The following TENM4 variants were observed in gnomAD, a reference collection of about 807,000 sequenced individuals.
TENM4 encodes the protein teneurin transmembrane protein 4.
TENM4 carries 82 observed loss-of-function variants against 243.3 expected under a neutral mutation model. That is an observed-to-expected ratio of 0.34 (90% CI 0.28 to 0.40). The LOEUF is 0.40. TENM4 is among the 10% of genes least tolerant of loss of function. The probability of loss-of-function intolerance (pLI) is 1.00; values close to 1 mark genes in which losing one functional copy is unlikely to be tolerated. For synonymous variants in TENM4, 1,412 were observed against 1,456.3 expected, an observed-to-expected ratio of 0.97 and a Z score of 0.69; for missense variants, 3,138 against 3,673.3, an observed-to-expected ratio of 0.85 and a Z score of 3.77.
At chr11:78,878,619 A>G (rs1401987649) in intron 9 of TENM4, among the ~76,000 whole-genome samples, 1 of 152,154 alleles carries the variant, frequency 6.6e-6, no homozygotes. Context: ...ACCTCCCACC[A>G]ATTAAACTGG....
chr11:78,963,752 G>T (rs1249383626), intron 6 of TENM4, among the ~76,000 whole-genome samples: 4 of 134,612 alleles, frequency 3.0e-5, no homozygotes, highest in Non-Finnish European at 6.3e-5. Context: ...TTTTTTTTGA[G>T]ACAGAGTCTC....
intron 1 of TENM4, among the ~76,000 whole-genome samples, chr11:79,381,015 C>A (rs1424111062): frequency 6.6e-6 from 1 of 152,072 alleles, no homozygotes; most frequent in East Asian, 1.9e-4. Flanking sequence ...ACACTAAGGC[C>A]CCAAATGCAG....
intron 2 of TENM4, among the ~76,000 whole-genome samples, chr11:79,284,187 T>C (rs573799085): frequency 5.3e-5 from 8 of 152,332 alleles, no homozygotes; most frequent in Non-Finnish European, 1.2e-4. Flanking sequence ...GATTCTCTTT[T>C]GTAGAAATTT....
chr11:78,728,073 C>T lies in TENM4; in HGVS notation c.3406+1303G>A, dbSNP rs187084848. Among the ~76,000 whole-genome samples the T allele has an allele frequency of 5.3e-5, 8 of 152,258 alleles. No individual in the cohort carries two copies. In the East Asian group the frequency reaches 1.2e-3, roughly 22 times the overall value. ...GTCACTTCCCTTTTTAACTGACTGG[C>T]GGGCACTAGAAGTGCTCATTTTTTC... On this transcript the variant is annotated intron_variant, in intron 22 of 33. Coordinates refer to ENST00000278550, the MANE Select transcript of TENM4 (RefSeq NM_001098816.3).
At chr11:79,091,989 C>T (rs572531785) in intron 4 of TENM4, among the ~76,000 whole-genome samples, 10 of 152,296 alleles carry the variant, frequency 6.6e-5, no homozygotes, top group South Asian at 4.1e-4. Context: ...CTGACTTCAT[C>T]GCCTCATCAT....
At chr11:79,071,426 G>A (rs896029474) in intron 4 of TENM4, among the ~76,000 whole-genome samples, 1 of 151,818 alleles carries the variant, frequency 6.6e-6, no homozygotes, top group Non-Finnish European at 1.5e-5. Context: ...GGGAGGGTGG[G>A]TCTGTCCAAG....
intron 1 of TENM4, among the ~76,000 whole-genome samples, chr11:79,386,885 A>G (rs1858125799): frequency 6.6e-6 from 1 of 152,170 alleles, no homozygotes; most frequent in Non-Finnish European, 1.5e-5. Context: ...ATCAGAACAG[A>G]TACATATCCT....
intron 1 of TENM4, among the ~76,000 whole-genome samples, chr11:79,370,779 T>TAAAAAAAAAAAAAAAA (rs544196671): frequency 1.2e-4 from 7 of 57,140 alleles, no homozygotes; most frequent in African/African-American, 2.4e-4. Flanking sequence ...ACTCCTATGG[T>TAAAAAAAAAAAAAAAA]AAAAAAAAAA....
chr11:79,377,880 A>C (rs1857924131), intron 1 of TENM4, among the ~76,000 whole-genome samples: 1 of 152,216 alleles, frequency 6.6e-6, no homozygotes, highest in African/African-American at 2.4e-5. Flanking sequence ...CAATTAAAAA[A>C]AATAGAGATA....
At chr11:78,737,448 C>A (rs1277229887) in intron 20 of TENM4, among the ~76,000 whole-genome samples, 1 of 152,196 alleles carries the variant, frequency 6.6e-6, no homozygotes, top group Non-Finnish European at 1.5e-5. Flanking sequence ...AACAGATGAG[C>A]CTCTACTTCA....
intron 1 of TENM4, among the ~76,000 whole-genome samples, chr11:79,412,498 C>A (rs1005409410): frequency 1.3e-5 from 2 of 152,150 alleles, no homozygotes; most frequent in African/African-American, 4.8e-5. Flanking sequence ...GAATCAAGTC[C>A]CAGCTCCAAC....
chr11:78,893,644 T>C (rs980014039), intron 7 of TENM4, among the ~76,000 whole-genome samples: 1 of 152,074 alleles, frequency 6.6e-6, no homozygotes. Context: ...AGAACCCTCC[T>C]GAAAATATCT....
At chr11:78,872,410 T>A (rs964233790) in intron 9 of TENM4, among the ~76,000 whole-genome samples, 1 of 152,242 alleles carries the variant, frequency 6.6e-6, no homozygotes, top group Non-Finnish European at 1.5e-5. Context: ...CTGTTCAAAC[T>A]GCTCTGCTGG....
chr11:79,097,505 C>T (rs1411109426), intron 4 of TENM4: 1 of 152,180 alleles, frequency 6.6e-6, no homozygotes, highest in Non-Finnish European at 1.5e-5. Context: ...CAGCTTGCTT[C>T]CTCCAGCACG....
Position 78,805,278 on chromosome 11 carries a change from C to CCCCACCCCACACA in TENM4, c.2179+13_2179+14insTGTGTGGGGTGGG. 6.9e-7 allele frequency: 1 copy of CCCCACCCCACACA among 1,442,340 alleles called. No homozygotes were observed. The highest frequency in any genetic ancestry group is 9.4e-7 in the Non-Finnish European group (1 of 1,063,264). 89.3% of individuals were successfully genotyped at this position (1,442,340 alleles called of 1,614,324 possible). The stretch of plus-strand genomic sequence containing the variant: ...CCCTCCCTCTACCCATGCTTCTTCT[C>CCCCACCCCACACA]CCCCTGCATTTACCGATAGAACAGT... On this transcript the variant is annotated intron_variant, in intron 15 of 33. Transcript: ENST00000278550.
chr11:78,688,825 C>T (rs884740), intron 28 of TENM4, among the ~76,000 whole-genome samples: 2 of 152,184 alleles, frequency 1.3e-5, no homozygotes, highest in African/African-American at 4.8e-5. Flanking sequence ...GATTTTACAT[C>T]TGGCACTAAG....
chr11:78,827,611 T>A (rs1379138523), intron 12 of TENM4, among the ~76,000 whole-genome samples: 1 of 152,084 alleles, frequency 6.6e-6, no homozygotes, highest in Non-Finnish European at 1.5e-5. Context: ...TGCCTCAGCC[T>A]TCTGAGCAGC....
At chr11:79,415,139 C>T (rs1028070835) in intron 1 of TENM4, among the ~76,000 whole-genome samples, 5 of 152,282 alleles carry the variant, frequency 3.3e-5, no homozygotes, top group East Asian at 1.9e-4. Context: ...CTCTCTTGTC[C>T]GATTCTAAGA....
chr11:79,068,700 C>T (rs1016779347), intron 5 of TENM4, among the ~76,000 whole-genome samples: 7 of 152,050 alleles, frequency 4.6e-5, no homozygotes, highest in African/African-American at 1.7e-4. Context: ...TGGTCATGAC[C>T]CAACAGGCAT....
Sources: allele counts gnomAD v4.1 joint callset (sites outside exome capture counted in the v4.1 genomes callset), GRCh38; gene constraint gnomAD v4.1.1; transcripts MANE v1.5; gene names NCBI Gene and HGNC (gene_info 2026-07-23, HGNC 2026-07-21).